Variants in RTF1 observed in about 807,000 individuals in gnomAD.
The protein encoded by RTF1 is RTF1 homolog, Paf1/RNA polymerase II complex component.
Under a neutral mutation model 95.7 loss-of-function variants are expected in RTF1, and 10 were observed. That is an observed-to-expected ratio of 0.10 (90% CI 0.06 to 0.18). The LOEUF is 0.18. RTF1 is among the 10% of genes least tolerant of loss of function. The probability of loss-of-function intolerance (pLI) is 1.00; values close to 1 mark genes in which losing one functional copy is unlikely to be tolerated. For missense variants in RTF1, 458 were observed against 875.6 expected, an observed-to-expected ratio of 0.52 and a Z score of 6.02; for synonymous variants, 305 against 311.8, an observed-to-expected ratio of 0.98 and a Z score of 0.23.
Position 41,443,846 on chromosome 15 carries a change from T to C in RTF1, c.309+5415T>C, listed in dbSNP as rs571454609. Among the ~76,000 whole-genome samples the C allele has an allele frequency of 2.0e-4, 30 of 151,906 alleles. No homozygotes were observed. In the South Asian group the frequency reaches 5.4e-3, roughly 27 times the overall value. ...ACTTTGGGAGGCCGAGACAGGCAGA[T>C]TACAAGGTCTGGAGCTCGAGACCAT... On this transcript the variant is annotated intron_variant, in intron 2 of 17. Transcript: ENST00000389629.
chr15:41,477,047 C>T, intron 12 of RTF1, 118 bp from the exon 13 acceptor site: 4 of 1,271,122 alleles, frequency 3.1e-6, no homozygotes, highest in Non-Finnish European at 3.4e-6. Context: ...TCTTCCACAT[C>T]TCCTGTCCTT....
chr15:41,449,824 A>AAAC (rs1453652455), intron 2 of RTF1, among the ~76,000 whole-genome samples: 4 of 152,122 alleles, frequency 2.6e-5, no homozygotes, highest in African/African-American at 9.7e-5. Context: ...AACAAAAAGC[A>AAAC]AACAACTTTT....
At chr15:41,472,222 T>C (rs891071439) in intron 8 of RTF1, among the ~76,000 whole-genome samples, 11 of 150,880 alleles carry the variant, frequency 7.3e-5, no homozygotes, top group Non-Finnish European at 7.4e-5. Flanking sequence ...GTTTTTTTTT[T>C]TCAGACAGAG....
At chr15:41,473,818 C>G (rs1271208033) in intron 8 of RTF1, among the ~76,000 whole-genome samples, 1 of 151,634 alleles carries the variant, frequency 6.6e-6, no homozygotes, top group Non-Finnish European at 1.5e-5. Flanking sequence ...GCAGGTGGAT[C>G]ACGAGGTCAG....
rs1186419545 is a variant in RTF1 at position 41,482,196 on chromosome 15, G to T, written c.*1509G>T. ...GCGAAGCCAGCAGAGGTGTGTGTATGTCTTTATGAAATGTTTGAAAAGAGA... is the reference window on the plus strand; with the variant it reads ...GCGAAGCCAGCAGAGGTGTGTGTATTTCTTTATGAAATGTTTGAAAAGAGA... On this transcript the variant is annotated 3_prime_UTR_variant, in exon 18 of 18. Coordinates refer to ENST00000389629, the MANE Select transcript of RTF1 (RefSeq NM_015138.5). 2 of 152,642 alleles carry T rather than the reference G, an allele frequency of 1.3e-5. No homozygotes were observed. The highest frequency in any genetic ancestry group is 2.9e-5 in the Non-Finnish European group (2 of 68,056). 9.5% of individuals were successfully genotyped at this position (152,642 alleles called of 1,614,324 possible).
rs1228996501 is a variant in RTF1 at position 41,475,742 on chromosome 15, C to G, written c.1405C>G (p.Leu469Val). The G allele has an allele frequency of 3.1e-6, 5 of 1,609,588 alleles. No individual in the cohort carries two copies. The highest frequency in any genetic ancestry group is 1.1e-5 in the South Asian group (1 of 90,900). ...CTCTGCTGGCATGCAGTTGCCCACT[C>G]TAGATGAAATCAATAAAAAGGAATT... is the stretch of plus-strand genomic sequence containing the variant. ...MFSAGMQLPT[L>V]DEINKKELSI... Residue 469 changes from leucine (L) to valine (V), a missense_variant, in exon 11 of 18, where the codon CTA becomes GTA. Leu to Val is a conservative substitution (Grantham distance 32). Coordinates refer to ENST00000389629, the MANE Select transcript of RTF1 (RefSeq NM_015138.5).
chr15:41,475,302 G>A (rs187319942), intron 9 of RTF1, among the ~76,000 whole-genome samples: 1 of 152,278 alleles, frequency 6.6e-6, no homozygotes, highest in Admixed American at 6.5e-5. Context: ...ATTGTAAATT[G>A]ACTTTTGAAG....
Position 41,458,406 on chromosome 15 carries a change from C to T in RTF1, c.662+530C>T, listed in dbSNP as rs374275757. On this transcript the variant is annotated intron_variant, in intron 4 of 17. Coordinates refer to ENST00000389629, the MANE Select transcript of RTF1 (RefSeq NM_015138.5). ...TGGGACCATCTGACACCATAAAACA[C>T]GCTGTGGCCATATCCTCTCCTGCGT... is the stretch of plus-strand genomic sequence containing the variant. 3.4e-4 allele frequency among the ~76,000 whole-genome samples: 52 copies of T among 152,254 alleles called. No homozygotes were observed. The South Asian group carries it at 8.9e-3, about 26-fold the overall frequency.
intron 1 of RTF1, among the ~76,000 whole-genome samples, chr15:41,437,098 A>AC (rs2050707694): frequency 6.6e-6 from 1 of 151,978 alleles, no homozygotes; most frequent in East Asian, 1.9e-4. Context: ...AAACAAACAA[A>AC]CAATAAAAAC....
intron 1 of RTF1, among the ~76,000 whole-genome samples, chr15:41,436,811 A>G (rs1391540699): frequency 6.6e-6 from 1 of 151,590 alleles, no homozygotes; most frequent in Non-Finnish European, 1.5e-5. Context: ...ATAAGAGACC[A>G]GGCATGGTGG....
At chr15:41,473,230 T>C (rs2050923617) in intron 8 of RTF1, among the ~76,000 whole-genome samples, 1 of 151,802 alleles carries the variant, frequency 6.6e-6, no homozygotes, top group Non-Finnish European at 1.5e-5. Flanking sequence ...CACTCCTGGG[T>C]TCACGCCATT....
At chr15:41,424,254 A>G (rs904443658) in intron 1 of RTF1, among the ~76,000 whole-genome samples, 1 of 152,198 alleles carries the variant, frequency 6.6e-6, no homozygotes, top group African/African-American at 2.4e-5. Context: ...CTGTGGAAAT[A>G]TTAACCAGGG....
At chr15:41,480,093 G>C in intron 16 of RTF1, 121 bp from the exon 17 acceptor site, 1 of 647,490 alleles carries the variant, frequency 1.5e-6, no homozygotes, top group Non-Finnish European at 2.7e-6. Flanking sequence ...GAATCAGAAA[G>C]GGGCCTTAGT....
At chr15:41,418,856 T>C (rs2050585657) in intron 1 of RTF1, among the ~76,000 whole-genome samples, 1 of 151,656 alleles carries the variant, frequency 6.6e-6, no homozygotes, top group East Asian at 1.9e-4. Context: ...TTTTTATTTA[T>C]TTATTTATTT....
At chr15:41,428,219 G>T (rs1055987940) in intron 1 of RTF1, among the ~76,000 whole-genome samples, 9 of 146,764 alleles carry the variant, frequency 6.1e-5, no homozygotes, top group Non-Finnish European at 1.2e-4. Context: ...CACTTTGGGG[G>T]TTCTTGTTCC....
intron 1 of RTF1, among the ~76,000 whole-genome samples, chr15:41,430,006 C>CTTTTTTTTTTTT (rs1410593149): frequency 1.6e-3 from 225 of 142,882 alleles, no homozygotes; most frequent in East Asian, 6.8e-3. Context: ...TTTATTTTTT[C>CTTTTTTTTTTTT]TTTTCTTTTT....
chr15:41,475,490 A>T (rs1400832200), intron 9 of RTF1, 35 bp from the exon 10 acceptor site: 2 of 1,564,410 alleles, frequency 1.3e-6, no homozygotes, highest in African/African-American at 1.4e-5. Flanking sequence ...GTCAACATGC[A>T]CATTTCTTGG....
At chr15:41,433,971 G>A (rs565582896) in intron 1 of RTF1, among the ~76,000 whole-genome samples, 19 of 150,736 alleles carry the variant, frequency 1.3e-4, no homozygotes, top group South Asian at 1.0e-3. Flanking sequence ...TCAGCCTCCC[G>A]AGTAGCTAGG....
intron 10 of RTF1, 23 bp from the exon 11 acceptor site, chr15:41,475,689 C>G (rs768473019): frequency 8.1e-6 from 13 of 1,599,514 alleles, no homozygotes; most frequent in Non-Finnish European, 1.0e-5. Flanking sequence ...TACTAATAAT[C>G]TCGTATCGTG....
Sources: gnomAD v4.1 joint callset for allele counts (sites outside exome capture counted in the v4.1 genomes callset) on GRCh38, gnomAD v4.1.1 for gene constraint, MANE v1.5 for transcripts, NCBI Gene and HGNC (gene_info 2026-07-23, HGNC 2026-07-21) for gene names.